The following PRH1 variants were observed in gnomAD, a reference collection of about 807,000 sequenced individuals.
PRH1 encodes proline rich protein HaeIII subfamily 1.
PRH1 carries 7 observed loss-of-function variants against 7.9 expected under a neutral mutation model. The observed-to-expected ratio is 0.89, with a 90% CI of 0.50 to 1.67. PRH1 has a LOEUF of 1.67. Ranked by LOEUF, PRH1 falls within the 40% of genes most tolerant of loss-of-function variation. The pLI is 0.00. For missense variants in PRH1, 109 were observed against 223.6 expected (o/e 0.49, Z 3.27); for synonymous variants, 45 against 80.8 (o/e 0.56, Z 2.38).
intron 1 of PRH1, among the ~76,000 whole-genome samples, chr12:11,113,883 T>G (rs2600345): frequency 0.46 from 69,204 of 152,006 alleles, 16,563 homozygotes; most frequent in Non-Finnish European, 0.53. Flanking sequence ...ACATTTATGT[T>G]CCCAAGAAAA....
intron 1 of PRH1, among the ~76,000 whole-genome samples, chr12:11,139,465 ATT>A (rs895506396): frequency 2.0e-5 from 3 of 152,050 alleles, no homozygotes; most frequent in Admixed American, 1.3e-4. Flanking sequence ...TGTATTAAAA[ATT>A]TTTTTTCCAA....
intron 2 of PRH1, among the ~76,000 whole-genome samples, chr12:10,892,998 TG>T (rs1555100973): frequency 1.3e-5 from 2 of 152,232 alleles, no homozygotes; most frequent in Non-Finnish European, 2.9e-5. Context: ...GGAAGGCAGC[TG>T]GTGTGTGTGA....
At chr12:11,043,595 T>A (rs1942797861) in intron 1 of PRH1, among the ~76,000 whole-genome samples, 1 of 131,144 alleles carries the variant, frequency 7.6e-6, no homozygotes, top group South Asian at 3.0e-4. Flanking sequence ...CTCAATAAAT[T>A]TGCAGTATAC....
intron 1 of PRH1, chr12:11,091,688 A>G: frequency 8.0e-7 from 1 of 1,255,932 alleles, no homozygotes; most frequent in Non-Finnish European, 1.1e-6. Flanking sequence ...GTTTGCTACC[A>G]TGGTTACAGT....
intron 1 of PRH1, among the ~76,000 whole-genome samples, chr12:11,103,415 C>G (rs1333731513): frequency 4.6e-5 from 7 of 152,042 alleles, no homozygotes; most frequent in African/African-American, 1.7e-4. Context: ...TAGAAACCAT[C>G]ATTCTGAGCA....
At chr12:10,945,568 G>A (rs1950473578) in intron 2 of PRH1, among the ~76,000 whole-genome samples, 1 of 152,108 alleles carries the variant, frequency 6.6e-6, no homozygotes, top group Admixed American at 6.5e-5. Flanking sequence ...AAGGCAAATG[G>A]AGGCAGGGCG....
intron 1 of PRH1, among the ~76,000 whole-genome samples, chr12:11,096,829 T>C (rs550085527): frequency 8.7e-6 from 1 of 115,424 alleles, no homozygotes; most frequent in South Asian, 2.4e-4. Flanking sequence ...AGACGGAGTC[T>C]CGTTGTCTCC....
chr12:11,032,439 C>T (rs1225999902), intron 1 of PRH1, among the ~76,000 whole-genome samples: 4 of 152,200 alleles, frequency 2.6e-5, no homozygotes, highest in Admixed American at 6.5e-5. Context: ...TCCATAAGAT[C>T]TGGTTGCTGC....
chr12:11,139,666 ATTTG>A (rs1485045687), intron 1 of PRH1, among the ~76,000 whole-genome samples: 1 of 152,140 alleles, frequency 6.6e-6, no homozygotes, highest in African/African-American at 2.4e-5. Flanking sequence ...GTATGCCATA[ATTTG>A]TTTATCCATT....
intron 1 of PRH1, chr12:11,021,715 A>C: frequency 6.2e-7 from 1 of 1,614,020 alleles, no homozygotes; most frequent in South Asian, 1.1e-5. Flanking sequence ...GGTCTGTTTT[A>C]GCTTCCTACT....
At chr12:11,168,491 C>A (rs889730678) in intron 1 of PRH1, among the ~76,000 whole-genome samples, 3 of 151,866 alleles carry the variant, frequency 2.0e-5, no homozygotes, top group Admixed American at 2.0e-4. Flanking sequence ...ATGTGGGCTT[C>A]TACTTGATTT....
At chr12:11,045,234 G>A (rs915310377) in intron 1 of PRH1, among the ~76,000 whole-genome samples, 1 of 151,220 alleles carries the variant, frequency 6.6e-6, no homozygotes, top group African/African-American at 2.4e-5. Flanking sequence ...AGAAGGCATG[G>A]ACATAGAGAG....
intron 1 of PRH1, among the ~76,000 whole-genome samples, chr12:11,000,765 G>A (rs762303325): frequency 9.9e-5 from 15 of 151,792 alleles, no homozygotes; most frequent in African/African-American, 2.9e-4. Flanking sequence ...GTCTCTTTAG[G>A]CTTCTTTCTT....
Position 10,909,160 on chromosome 12 carries a change from G to A in PRH1, c.-58-24885C>T, listed in dbSNP as rs375415951. The A allele has an allele frequency of 2.5e-6, 4 of 1,613,948 alleles. No individual in the cohort carries two copies. The highest frequency in any genetic ancestry group is 2.5e-6 in the Non-Finnish European group (3 of 1,179,998). Reference sequence around the variant, plus strand: ...CTGGAGATTGCCAAGATAATGAGGAGTTTATCGACTGAGGACAGCTCTCTT... The same window carrying A: ...CTGGAGATTGCCAAGATAATGAGGAATTTATCGACTGAGGACAGCTCTCTT... On this transcript the variant is annotated intron_variant, in intron 2 of 3. Transcript: ENST00000539853.
chr12:10,994,319 C>A (rs963162751), intron 1 of PRH1, among the ~76,000 whole-genome samples: 1 of 152,166 alleles, frequency 6.6e-6, no homozygotes, highest in Non-Finnish European at 1.5e-5. Context: ...CTCAGGGAAA[C>A]CCTGGCCAGT....
In PRH1 at chr12:11,061,953, G is replaced by C. The variant is rs751000113; in HGVS notation, n.124-14765C>G. The C allele has an allele frequency of 1.9e-6, 3 of 1,613,952 alleles. No individual in the cohort carries two copies. In the African/African-American group the frequency reaches 4.0e-5, roughly 22 times the overall value. On this transcript the variant is annotated intron_variant and non_coding_transcript_variant, in intron 1 of 4. Coordinates refer to the PRH1 transcript ENST00000541977. ...TCTTTAAGTGAAGAAAAATAAGGTT[G>C]GAGAAATTGGCAATCTTGAGCAAAT...
intron 1 of PRH1, among the ~76,000 whole-genome samples, chr12:11,145,317 T>C (rs1056797576): frequency 6.6e-6 from 1 of 152,156 alleles, no homozygotes; most frequent in African/African-American, 2.4e-5. Flanking sequence ...CTCAGCCTCC[T>C]GAGTGTCTGG....
At chr12:11,074,417 ATGGG>A in intron 1 of PRH1, among the ~76,000 whole-genome samples, 1 of 125,490 alleles carries the variant, frequency 8.0e-6, no homozygotes, top group Admixed American at 8.0e-5. Context: ...TCCCCTCCTA[ATGGG>A]TGTGAGGTCT....
chr12:10,884,382 C>T (rs772678366), upstream of PRH1: 6 of 753,934 alleles, frequency 8.0e-6, no homozygotes, highest in Middle Eastern at 3.0e-4. Flanking sequence ...CAAGTGTATC[C>T]CTCATTTCTT....
Sources: gnomAD v4.1 joint callset for allele counts (sites outside exome capture counted in the v4.1 genomes callset) on GRCh38, gnomAD v4.1.1 for gene constraint, MANE v1.5 for transcripts, NCBI Gene and HGNC (gene_info 2026-07-23, HGNC 2026-07-21) for gene names.